FAM78B: variants seen among roughly 807,000 people sequenced by gnomAD.
FAM78B encodes the protein family with sequence similarity 78 member B, also known as protein FAM78B.
A neutral mutation model predicts 20.0 loss-of-function variants in FAM78B; 10 were observed. That is an observed-to-expected ratio of 0.50 (90% CI 0.31 to 0.85). The LOEUF is 0.85. Ranked by LOEUF, FAM78B falls within the 40% of genes least tolerant of loss-of-function variation. The pLI, the probability that FAM78B is intolerant of heterozygous loss-of-function variation, is 0.05. For missense variants in FAM78B, 283 were observed against 345.0 expected, an observed-to-expected ratio of 0.82 and a Z score of 1.42; for synonymous variants, 135 against 132.8, an observed-to-expected ratio of 1.02 and a Z score of -0.12.
intron 1 of FAM78B, among the ~76,000 whole-genome samples, chr1:166,145,932 CTCT>C (rs1449520021): frequency 6.6e-6 from 1 of 152,130 alleles, no homozygotes. Flanking sequence ...GTCTAAAATT[CTCT>C]TTTTTTTATT....
exon 3 of FAM78B, chr1:166,057,980 T>A (rs909347705): frequency 4.6e-5 from 7 of 151,736 alleles, no homozygotes; most frequent in African/African-American, 1.7e-4. Flanking sequence ...TTTTTTTCAT[T>A]TTTAAAGATA....
chr1:166,154,589 A>G (rs553261804), intron 1 of FAM78B, among the ~76,000 whole-genome samples: 1 of 152,326 alleles, frequency 6.6e-6, no homozygotes, highest in East Asian at 1.9e-4. Context: ...TTTCCTGGGC[A>G]GGTGGCCATC....
chr1:166,084,474 T>C (rs1247356350), intron 1 of FAM78B, among the ~76,000 whole-genome samples: 1 of 152,196 alleles, frequency 6.6e-6, no homozygotes, highest in African/African-American at 2.4e-5. Context: ...CTATAATCTC[T>C]GACCAAAGAC....
intron 1 of FAM78B, among the ~76,000 whole-genome samples, chr1:166,146,482 G>T (rs1397822222): frequency 1.3e-5 from 2 of 152,188 alleles, no homozygotes; most frequent in Non-Finnish European, 2.9e-5. Context: ...AATGAAGATG[G>T]ACAGAAACTT....
At chr1:166,119,000 A>G (rs983401869) in intron 1 of FAM78B, among the ~76,000 whole-genome samples, 2 of 152,154 alleles carry the variant, frequency 1.3e-5, no homozygotes, top group African/African-American at 4.8e-5. Context: ...TCTGCTGGCC[A>G]CAGGACAGGC....
chr1:166,073,536 CTTTTTT>C (rs201582992), intron 1 of FAM78B, among the ~76,000 whole-genome samples: 2 of 135,784 alleles, frequency 1.5e-5, no homozygotes, highest in African/African-American at 5.5e-5. Context: ...CTCTTTCTCT[CTTTTTT>C]TTTTTTTTTC....
intron 1 of FAM78B, among the ~76,000 whole-genome samples, chr1:166,128,734 G>C (rs1242080403): frequency 6.6e-6 from 1 of 152,212 alleles, no homozygotes; most frequent in African/African-American, 2.4e-5. Flanking sequence ...GTGAGAGACA[G>C]TGGGTGAGGC....
chr1:166,082,380 T>C (rs532194613), intron 1 of FAM78B, among the ~76,000 whole-genome samples: 26 of 152,326 alleles, frequency 1.7e-4, no homozygotes, highest in Non-Finnish European at 2.9e-4. Context: ...CTTTTCTTTT[T>C]CTGAAAATAG....
intron 1 of FAM78B, among the ~76,000 whole-genome samples, chr1:166,137,112 G>C (rs545454377): frequency 6.6e-6 from 1 of 152,220 alleles, no homozygotes; most frequent in Non-Finnish European, 1.5e-5. Context: ...GAGGTTGGAA[G>C]GGAGGAGACC....
At chr1:166,116,126 A>G (rs559348979) in intron 1 of FAM78B, among the ~76,000 whole-genome samples, 1 of 151,968 alleles carries the variant, frequency 6.6e-6, no homozygotes, top group African/African-American at 2.4e-5. Flanking sequence ...GCCTGGTTGC[A>G]TTCTGCAGCT....
chr1:166,066,236 C>G (rs1651792769), downstream of FAM78B, among the ~76,000 whole-genome samples: 2 of 152,208 alleles, frequency 1.3e-5, no homozygotes, highest in Non-Finnish European at 2.9e-5. Flanking sequence ...TTACTAAGTA[C>G]TCTGCTAAGA....
intron 1 of FAM78B, among the ~76,000 whole-genome samples, chr1:166,111,671 T>C (rs2101759207): frequency 6.6e-6 from 1 of 152,304 alleles, no homozygotes; most frequent in Middle Eastern, 3.4e-3. Context: ...AACTGTCAAG[T>C]GGTAAGTGGA....
intron 1 of FAM78B, among the ~76,000 whole-genome samples, chr1:166,159,975 C>T (rs1656080389): frequency 6.6e-6 from 1 of 152,226 alleles, no homozygotes; most frequent in Admixed American, 6.5e-5. Context: ...CCTGCTTTCC[C>T]ATCTGATGCT....
intron 1 of FAM78B, among the ~76,000 whole-genome samples, chr1:166,133,888 A>T (rs1300616998): frequency 6.6e-6 from 1 of 152,186 alleles, no homozygotes; most frequent in Non-Finnish European, 1.5e-5. Context: ...TTATACGAGG[A>T]ACTAAGTGAG....
chr1:166,163,834 A>T (rs1395202985), intron 1 of FAM78B, among the ~76,000 whole-genome samples: 1 of 152,184 alleles, frequency 6.6e-6, no homozygotes, highest in Admixed American at 6.5e-5. Context: ...ATGCTTTATG[A>T]TTTATTGGGG....
chr1:166,156,323 A>G (rs538013794), intron 1 of FAM78B, among the ~76,000 whole-genome samples: 1 of 152,246 alleles, frequency 6.6e-6, no homozygotes, highest in African/African-American at 2.4e-5. Flanking sequence ...TTCAGACATC[A>G]TAAATGATGC....
downstream of FAM78B, among the ~76,000 whole-genome samples, chr1:166,066,590 T>A (rs572557860): frequency 2.5e-4 from 38 of 152,298 alleles, no homozygotes; most frequent in Middle Eastern, 6.8e-3. Flanking sequence ...ACCTCTTTGG[T>A]CTCAATTTAT....
chr1:166,165,586 G>C (rs954174217), intron 1 of FAM78B, among the ~76,000 whole-genome samples: 28 of 151,958 alleles, frequency 1.8e-4, no homozygotes, highest in Non-Finnish European at 1.9e-4. Flanking sequence ...ATGCGCCCCC[G>C]GCACTCCACT....
chr1:166,123,458 C>T (rs990760479), intron 1 of FAM78B, among the ~76,000 whole-genome samples: 8 of 152,230 alleles, frequency 5.3e-5, no homozygotes, highest in African/African-American at 9.6e-5. Flanking sequence ...CTGGTATCCT[C>T]GTCTCCAACC....
Sources: allele counts gnomAD v4.1 joint callset (sites outside exome capture counted in the v4.1 genomes callset), GRCh38; gene constraint gnomAD v4.1.1; transcripts MANE v1.5; gene names NCBI Gene and HGNC (gene_info 2026-07-23, HGNC 2026-07-21).